FGD5: variants seen among roughly 807,000 people sequenced by gnomAD.
The protein encoded by FGD5 is FYVE, RhoGEF and PH domain containing 5.
In FGD5, 28 loss-of-function variants were observed where a neutral mutation model predicts 133.4. The observed-to-expected ratio is 0.21, with a 90% CI of 0.16 to 0.29. FGD5 has a LOEUF of 0.29. FGD5 is among the 10% of genes least tolerant of loss of function. The pLI is 1.00. For missense variants in FGD5, 1,858 were observed against 1,895.2 expected (o/e 0.98, Z 0.36); for synonymous variants, 810 against 776.5 (o/e 1.04, Z -0.72).
In FGD5 at chr3:14,896,336, C is replaced by T. The variant is rs531877230; in HGVS notation, c.2749-1173C>T. 1.6e-4 allele frequency among the ~76,000 whole-genome samples: 24 copies of T among 152,274 alleles called. 1 individual carries two copies. The highest frequency in any genetic ancestry group is 1.2e-3 in the Admixed American group (19 of 15,294). Reference sequence around the variant, plus strand: ...AGACCCCCAACAGCCAAAGCAATCCCGAACAAAAAGAACAAAGCTGGAAGC... The same window carrying T: ...AGACCCCCAACAGCCAAAGCAATCCTGAACAAAAAGAACAAAGCTGGAAGC... On this transcript the variant is annotated intron_variant, in intron 4 of 19. Transcript: ENST00000285046.
chr3:14,918,518 C>G (rs1204019801), intron 12 of FGD5, among the ~76,000 whole-genome samples: 2 of 152,234 alleles, frequency 1.3e-5, no homozygotes, highest in Non-Finnish European at 2.9e-5. Flanking sequence ...GTTGCCCGGG[C>G]TGGGCCCTGA....
Position 14,819,182 on chromosome 3 carries a change from G to A in FGD5, c.111G>A (p.Gly37=), listed in dbSNP as rs573950539. ...ACAGCTTGAACAAATGCAGCAACGG[G>A]CGGCTGCCCTGTGTAGACAGGGGGC... The part of the protein sequence containing the change: ...LNDSLNKCSN[G]RLPCVDRGLD... Residue 37 remains glycine, a synonymous_variant, in exon 1 of 20, where the codon GGG becomes GGA. Coordinates refer to ENST00000285046, the MANE Select transcript of FGD5 (RefSeq NM_152536.4). This position sits in a 1 kb window ranked among gnomAD's most constrained non-coding sequence, Gnocchi z 4.1. 1.0e-4 allele frequency: 157 copies of A among 1,551,534 alleles called. 1 individual carries two copies. The highest frequency in any genetic ancestry group is 3.9e-4 in the South Asian group (33 of 84,016).
At chr3:14,933,107 T>A in intron 19 of FGD5, 24 bp from the exon 20 acceptor site, 1 of 1,612,050 alleles carries the variant, frequency 6.2e-7, no homozygotes, top group Non-Finnish European at 8.5e-7. Context: ...CAAAACCAAA[T>A]GTCCTCCCTG....
intron 7 of FGD5, 128 bp from the exon 8 acceptor site, chr3:14,900,275 G>A (rs2038212814): frequency 2.3e-6 from 2 of 874,528 alleles, no homozygotes; most frequent in Non-Finnish European, 3.7e-6. Context: ...ATTGTGATGG[G>A]GCCAGCAGGG....
chr3:14,918,664 G>A lies in FGD5; in HGVS notation c.3490-90G>A, dbSNP rs1235086794. 3.0e-5 allele frequency: 40 copies of A among 1,315,038 alleles called. No homozygotes were observed. In the East Asian group the frequency reaches 6.5e-4, roughly 21 times the overall value. The allele number at this position is 1,315,038 out of a possible 1,614,324, so 81.5% of individuals were successfully genotyped here. On this transcript the variant is annotated intron_variant, in intron 12 of 19. Transcript: ENST00000285046. ...CTAGAGAACGGCAGTAGGTGGACATGGTCCCTCTGTTCATCTGCTGCCAGG... is the reference window on the plus strand; with the variant it reads ...CTAGAGAACGGCAGTAGGTGGACATAGTCCCTCTGTTCATCTGCTGCCAGG...
Position 14,893,861 on chromosome 3 carries a change from G to A in FGD5, c.2749-3648G>A, listed in dbSNP as rs796930404. On this transcript the variant is annotated intron_variant, in intron 4 of 19. Transcript: ENST00000285046. ...CAACCTCTGCCTCCCAGGTTCAAGC[G>A]ATTCTCCTGCCTCAGCCTCTTGAGT... Among the ~76,000 whole-genome samples the A allele has an allele frequency of 2.5e-4, 37 of 147,130 alleles. 1 individual carries two copies. The highest frequency in any genetic ancestry group is 9.3e-4 in the African/African-American group (37 of 39,708).
At chr3:14,869,218 C>T (rs1222251029) in intron 2 of FGD5, among the ~76,000 whole-genome samples, 4 of 151,992 alleles carry the variant, frequency 2.6e-5, no homozygotes, top group East Asian at 1.9e-4. Flanking sequence ...TGCTTGAATC[C>T]GGGAGGCAGA....
intron 9 of FGD5, among the ~76,000 whole-genome samples, chr3:14,903,153 C>G (rs957223606): frequency 6.6e-6 from 1 of 152,248 alleles, no homozygotes; most frequent in African/African-American, 2.4e-5. Flanking sequence ...TCTTCCCAGA[C>G]TGAAACTCTC....
intron 2 of FGD5, among the ~76,000 whole-genome samples, chr3:14,867,848 T>C (rs943779979): frequency 1.3e-5 from 2 of 152,164 alleles, no homozygotes; most frequent in Non-Finnish European, 2.9e-5. Context: ...ATTTTCTGTC[T>C]CCACCACCTC....
chr3:14,863,047 T>TC (rs1003949975), intron 1 of FGD5, among the ~76,000 whole-genome samples: 7 of 151,968 alleles, frequency 4.6e-5, no homozygotes, highest in Non-Finnish European at 8.8e-5. Flanking sequence ...CCGCCTCACT[T>TC]CCCCCTGCCT....
intron 9 of FGD5, among the ~76,000 whole-genome samples, chr3:14,903,493 TCCCTCCC>T (rs2038282661): frequency 8.6e-6 from 1 of 116,494 alleles, no homozygotes; most frequent in African/African-American, 3.3e-5. Flanking sequence ...CCCAGTGCTA[TCCCTCCC>T]CCCTCCCCCC....
At chr3:14,822,071 A>G (rs1196570896) in intron 1 of FGD5, among the ~76,000 whole-genome samples, 1 of 152,058 alleles carries the variant, frequency 6.6e-6, no homozygotes, top group East Asian at 1.9e-4. Flanking sequence ...CTGTACTCCA[A>G]CCTGGCAATA....
chr3:14,883,198 G>A (rs1575230052), intron 4 of FGD5, among the ~76,000 whole-genome samples: 1 of 152,134 alleles, frequency 6.6e-6, no homozygotes, highest in African/African-American at 2.4e-5. Flanking sequence ...GGCTCCATAG[G>A]AATGGAGTTT....
Position 14,864,206 on chromosome 3 carries a change from G to T in FGD5, c.2604G>T (p.Gln868His). The change falls in exon 2 of 20, where the codon CAG becomes CAT. Residue 868 changes from glutamine (Q) to histidine (H), a missense_variant. Physicochemically the swap from Gln to His is conservative, Grantham distance 24. Around this residue, in one of 3 missense-constraint regions of FGD5, gnomAD observed 1,824 missense variants for 1,848.9 expected, o/e 0.99. Coordinates refer to ENST00000285046, the MANE Select transcript of FGD5 (RefSeq NM_152536.4). The stretch of plus-strand genomic sequence containing the variant: ...AGGACCTTACGTCGGATGAAGAGCA[G>T]AGAAGCTCGGAGGAGGAGGACAGTG... ...PKEDLTSDEE[Q>H]RSSEEEDSAS... 6.2e-7 allele frequency: 1 copy of T among 1,614,060 alleles called. No homozygotes were observed.
chr3:14,823,309 C>T (rs1575188462), intron 1 of FGD5, among the ~76,000 whole-genome samples: 1 of 152,170 alleles, frequency 6.6e-6, no homozygotes, highest in Non-Finnish European at 1.5e-5. Flanking sequence ...TTGAAATCCT[C>T]CAGCCACAGG....
At chr3:14,844,279 G>T (rs1575203509) in intron 1 of FGD5, among the ~76,000 whole-genome samples, 3 of 91,406 alleles carry the variant, frequency 3.3e-5, no homozygotes, top group African/African-American at 7.9e-5. Context: ...TATAATGCAG[G>T]TTTCCAGGCC....
intron 10 of FGD5, among the ~76,000 whole-genome samples, chr3:14,909,282 A>G (rs1379925101): frequency 6.6e-6 from 1 of 152,162 alleles, no homozygotes; most frequent in African/African-American, 2.4e-5. Flanking sequence ...TTTATTTAAG[A>G]AACACAAAAA....
At chr3:14,887,393 TC>T (rs1467476519) in intron 4 of FGD5, among the ~76,000 whole-genome samples, 1 of 151,936 alleles carries the variant, frequency 6.6e-6, no homozygotes. Context: ...AAAAAAAACT[TC>T]CTGCCAGGCA....
chr3:14,844,403 C>T (rs949538034), intron 1 of FGD5, among the ~76,000 whole-genome samples: 1 of 149,858 alleles, frequency 6.7e-6, no homozygotes, highest in African/African-American at 2.5e-5. Flanking sequence ...TGCCCTGTAC[C>T]GTGTGGCTTC....
Sources: allele counts gnomAD v4.1 joint callset (sites outside exome capture counted in the v4.1 genomes callset), GRCh38; gene constraint gnomAD v4.1.1; regional missense constraint gnomAD v4.1.1; non-coding constraint Gnocchi (gnomAD v3.1); transcripts MANE v1.5; gene names NCBI Gene and HGNC (gene_info 2026-07-23, HGNC 2026-07-21).